CTNNA2: variants seen among roughly 807,000 people sequenced by gnomAD.
The protein encoded by CTNNA2 is catenin alpha 2.
CTNNA2 carries 42 observed loss-of-function variants against 101.0 expected under a neutral mutation model. The ratio of observed to expected loss-of-function variants is 0.42; its 90% CI spans 0.32 to 0.54. The LOEUF (loss-of-function observed/expected upper bound fraction) is 0.54. Among genes scored for constraint, CTNNA2 ranks in the 20% least tolerant of loss-of-function variants. CTNNA2 has a pLI of 0.14. For synonymous variants in CTNNA2, 450 were observed against 456.4 expected, an observed-to-expected ratio of 0.99 and a Z score of 0.18; for missense variants, 871 against 1,223.1, an observed-to-expected ratio of 0.71 and a Z score of 4.29.
chr2:80,247,581 GTCT>G (rs1558938851), intron 7 of CTNNA2, among the ~76,000 whole-genome samples: 1 of 152,140 alleles, frequency 6.6e-6, no homozygotes, highest in East Asian at 1.9e-4. Context: ...ATAGTGCCAC[GTCT>G]TCTGCTTTTC....
intron 7 of CTNNA2, among the ~76,000 whole-genome samples, chr2:80,098,962 G>A (rs761747945): frequency 2.6e-5 from 4 of 152,002 alleles, no homozygotes; most frequent in Non-Finnish European, 4.4e-5. Flanking sequence ...CCCAGGTGAG[G>A]CAATTCCTCA....
intron 2 of CTNNA2, among the ~76,000 whole-genome samples, chr2:79,261,179 A>G (rs1332931515): frequency 1.3e-5 from 2 of 152,198 alleles, no homozygotes; most frequent in African/African-American, 2.4e-5. Context: ...ACTGTACAGA[A>G]GTAGCACGTC....
intron 7 of CTNNA2, among the ~76,000 whole-genome samples, chr2:80,201,115 C>T (rs960677948): frequency 2.0e-5 from 3 of 152,078 alleles, no homozygotes; most frequent in African/African-American, 7.2e-5. Context: ...ATACCTAATG[C>T]AATGTAAATG....
rs148407819 is a variant in CTNNA2, at chr2:80,259,333, G to A, written c.1057-133878G>A. 1.1e-4 allele frequency among the ~76,000 whole-genome samples: 16 copies of A among 152,238 alleles called. No individual in the cohort carries two copies. The East Asian group carries it at 2.3e-3, about 22-fold the overall frequency. Reference sequence around the variant, plus strand: ...AAGCAGAGCACCAAGGTGAGGAGACGGAACTGCACAGAATAACTGGGGTTT... The same window carrying A: ...AAGCAGAGCACCAAGGTGAGGAGACAGAACTGCACAGAATAACTGGGGTTT... On this transcript the variant is annotated intron_variant, in intron 7 of 18. Transcript: ENST00000402739.
chr2:80,441,597 T>G (rs6747004), intron 9 of CTNNA2, among the ~76,000 whole-genome samples: 19,899 of 152,230 alleles, frequency 0.13, 1,812 homozygotes, highest in African/African-American at 0.26. Context: ...CACCATTGTT[T>G]TTTGATCTCC....
intron 4 of CTNNA2, among the ~76,000 whole-genome samples, chr2:79,865,919 C>G (rs1682050253): frequency 6.6e-6 from 1 of 152,180 alleles, no homozygotes. Flanking sequence ...CTGAGTTTCA[C>G]TGTGTTAGCC....
intron 1 of CTNNA2, among the ~76,000 whole-genome samples, chr2:79,197,544 G>A (rs181634255): frequency 4.6e-5 from 7 of 151,414 alleles, no homozygotes; most frequent in Non-Finnish European, 5.9e-5. Context: ...TGTATGGTGT[G>A]TCCATTGTCC....
intron 7 of CTNNA2, among the ~76,000 whole-genome samples, chr2:79,967,536 G>A (rs577001749): frequency 1.8e-4 from 27 of 152,222 alleles, no homozygotes; most frequent in Admixed American, 2.0e-4. Flanking sequence ...ATAAATGCAC[G>A]TGAAAACATC....
intron 7 of CTNNA2, among the ~76,000 whole-genome samples, chr2:80,266,113 A>G (rs1422925302): frequency 6.6e-6 from 1 of 152,220 alleles, no homozygotes; most frequent in Non-Finnish European, 1.5e-5. Context: ...CACTTCTGCC[A>G]TGGGATTTGC....
At chr2:80,200,470 T>G (rs1007249766) in intron 7 of CTNNA2, among the ~76,000 whole-genome samples, 1 of 152,178 alleles carries the variant, frequency 6.6e-6, no homozygotes, top group Admixed American at 6.5e-5. Context: ...AGTGTGTATA[T>G]GTATACATTT....
At chr2:80,232,337 GTTTGTTTGTTTTTTTTTTTTTTTTT>G (rs1709272752) in intron 7 of CTNNA2, among the ~76,000 whole-genome samples, 2 of 45,052 alleles carry the variant, frequency 4.4e-5, no homozygotes, top group African/African-American at 1.6e-4. Context: ...TTGTTTGTTT[GTTTGTTTGTTTTTTTTTTTTTTTTT>G]TTTTTTTTTT....
At chr2:79,710,126 G>A (rs151071948) in intron 2 of CTNNA2, among the ~76,000 whole-genome samples, 184 of 152,060 alleles carry the variant, frequency 1.2e-3, no homozygotes, top group African/African-American at 3.8e-3. Context: ...GTGGGAAGAC[G>A]TTAGGCACTG....
intron 7 of CTNNA2, among the ~76,000 whole-genome samples, chr2:80,098,965 A>G (rs765788765): frequency 2.6e-5 from 4 of 151,898 alleles, no homozygotes; most frequent in African/African-American, 7.3e-5. Flanking sequence ...AGGTGAGGCA[A>G]TTCCTCACCC....
At chr2:79,743,421 T>C (rs1671430527) in intron 2 of CTNNA2, among the ~76,000 whole-genome samples, 1 of 152,142 alleles carries the variant, frequency 6.6e-6, no homozygotes, top group South Asian at 2.1e-4. Context: ...AGAAAAAGAG[T>C]AATAATAGAT....
chr2:79,244,848 A>T (rs1674679243), intron 2 of CTNNA2, among the ~76,000 whole-genome samples: 1 of 152,222 alleles, frequency 6.6e-6, no homozygotes, highest in Non-Finnish European at 1.5e-5. Context: ...TAATCCCAGC[A>T]CTTTGGGAGG....
At chr2:80,045,704 A>G (rs1696472979) in intron 7 of CTNNA2, among the ~76,000 whole-genome samples, 1 of 152,140 alleles carries the variant, frequency 6.6e-6, no homozygotes, top group Non-Finnish European at 1.5e-5. Context: ...GTCATGCTTT[A>G]TAATAGCAGC....
intron 3 of CTNNA2, among the ~76,000 whole-genome samples, chr2:79,824,064 G>A (rs1219086697): frequency 6.6e-6 from 1 of 152,194 alleles, no homozygotes; most frequent in Non-Finnish European, 1.5e-5. Context: ...TGAAAAGCAT[G>A]TAGGGAGAAA....
rs755792956 is a variant in CTNNA2, at chr2:80,545,012, A to T, written c.1321A>T (p.Asn441Tyr). 1 of 1,614,054 alleles carries T rather than the reference A, an allele frequency of 6.2e-7. No individual in the cohort carries two copies. Among genetic ancestry groups the T allele is most frequent in the Non-Finnish European group, 8.5e-7 (1 of 1,179,956 alleles). The change falls in exon 10 of 19, where the codon AAT becomes TAT. Residue 441 changes from asparagine (N) to tyrosine (Y), a missense_variant. Asn to Tyr is a moderately radical substitution (Grantham distance 143). This residue lies in a region of CTNNA2 where 647 missense variants were observed against 831.5 expected (regional missense o/e 0.78). Coordinates refer to ENST00000402739, the MANE Select transcript of CTNNA2 (RefSeq NM_001282597.3). ...CAATTTGGCCTGTTCCATCTCCAACAATGAAGAAGGGGTGAAATTAGTTCG... is the reference window on the plus strand; with the variant it reads ...CAATTTGGCCTGTTCCATCTCCAACTATGAAGAAGGGGTGAAATTAGTTCG... ...VANLACSISN[N>Y]EEGVKLVRMA... is the part of the protein sequence containing the mutation.
At chr2:80,596,670 T>A (rs944648172) in intron 15 of CTNNA2, among the ~76,000 whole-genome samples, 2 of 152,104 alleles carry the variant, frequency 1.3e-5, no homozygotes, top group African/African-American at 4.8e-5. Context: ...CAATTTGACT[T>A]CTTTTCTTTC....
Sources: gnomAD v4.1 joint callset for allele counts (sites outside exome capture counted in the v4.1 genomes callset) on GRCh38, gnomAD v4.1.1 for gene constraint, gnomAD v4.1.1 regional missense constraint, MANE v1.5 for transcripts, NCBI Gene and HGNC (gene_info 2026-07-23, HGNC 2026-07-21) for gene names.